FAM237A: variants seen among roughly 807,000 people sequenced by gnomAD.
The protein encoded by FAM237A is family with sequence similarity 237 member A.
A neutral mutation model predicts 12.5 loss-of-function variants in FAM237A; 14 were observed. The observed-to-expected ratio is 1.12, with a 90% confidence interval of 0.74 to 1.75. The LOEUF (loss-of-function observed/expected upper bound fraction) is 1.75, where lower values mean the gene tolerates loss of function less well. Among genes scored for constraint, FAM237A ranks in the 40% most tolerant of loss-of-function variants. The pLI, the probability that FAM237A is intolerant of heterozygous loss-of-function variation, is 0.00. For missense variants in FAM237A, 240 were observed against 211.7 expected (o/e 1.13, Z -0.83); for synonymous variants, 85 against 77.5 (o/e 1.10, Z -0.51).
At position 206,644,649 on chromosome 2, in the gene FAM237A, G is replaced by T. The variant is rs1485024939; in HGVS notation, c.412+1G>T. 6.4e-7 allele frequency: 1 copy of T among 1,557,264 alleles called. No homozygotes were observed. The highest frequency in any genetic ancestry group is 1.4e-5 in the African/African-American group (1 of 72,932). On this transcript the variant is annotated splice_donor_variant, in intron 2 of 2. Coordinates refer to ENST00000441223, the MANE Select transcript of FAM237A (RefSeq NM_001102659.3). LOFTEE classifies it high-confidence loss of function. ...CCACAGCACACAAGGAGTAAACAAG[G>T]TGGTCAACCCCAGCTCCCATGTCTT...
intron 2 of FAM237A, among the ~76,000 whole-genome samples, chr2:206,647,336 G>T (rs908989274): frequency 2.6e-5 from 4 of 152,286 alleles, no homozygotes; most frequent in African/African-American, 9.6e-5. Flanking sequence ...ACCTGGAAGA[G>T]CTTCACCCCA....
At chr2:206,643,287 G>A (rs1294922774) in intron 1 of FAM237A, 2 of 152,092 alleles carry the variant, frequency 1.3e-5, no homozygotes, top group African/African-American at 2.4e-5. Flanking sequence ...TTTTCTTTAT[G>A]TTAGAGCTGT....
chr2:206,645,276 TGC>T (rs1255215351), intron 2 of FAM237A, among the ~76,000 whole-genome samples: 1 of 152,206 alleles, frequency 6.6e-6, no homozygotes, highest in Non-Finnish European at 1.5e-5. Context: ...AGTTGGAACT[TGC>T]TACAAATTTA....
rs34076153 is a variant in FAM237A, at chr2:206,649,327, T to A, written c.*533T>A. Reference sequence around the variant, plus strand: ...CAAAAAACTGGCAAATAAAGCATTCTTCTAATGAAAACAAAATTAATAAAA... The same window carrying A: ...CAAAAAACTGGCAAATAAAGCATTCATCTAATGAAAACAAAATTAATAAAA... On this transcript the variant is annotated 3_prime_UTR_variant, in exon 3 of 3. Coordinates refer to ENST00000441223, the MANE Select transcript of FAM237A (RefSeq NM_001102659.3). Among the ~76,000 whole-genome samples the A allele has an allele frequency of 2.0e-5, 3 of 152,130 alleles. No individual in the cohort carries two copies. The highest frequency in any genetic ancestry group is 4.4e-5 in the Non-Finnish European group (3 of 68,000).
rs1699289072 is a variant in FAM237A, at chr2:206,644,302, T to C, written c.66T>C (p.Ile22=). 4 of 1,613,388 alleles carry C rather than the reference T, an allele frequency of 2.5e-6. No individual in the cohort carries two copies. Among genetic ancestry groups the C allele is most frequent in the Non-Finnish European group, 3.4e-6 (4 of 1,179,654 alleles). ...TGAGCTTCACCTGCTCCCTGCTCAT[T>C]GTGGGAATGTGCTGTGTATCTCCTT... The part of the protein sequence containing the change: ...RPLSFTCSLL[I]VGMCCVSPFF... The change falls in exon 2 of 3, where the codon ATT becomes ATC. Residue 22 remains isoleucine, a synonymous_variant. Coordinates refer to ENST00000441223, the MANE Select transcript of FAM237A (RefSeq NM_001102659.3).
intron 1 of FAM237A, among the ~76,000 whole-genome samples, chr2:206,643,126 C>G (rs184240036): frequency 6.6e-5 from 10 of 152,266 alleles, no homozygotes; most frequent in Non-Finnish European, 1.3e-4. Context: ...TCAGAAGAGA[C>G]AGATTATCCA....
intron 1 of FAM237A, among the ~76,000 whole-genome samples, chr2:206,643,033 C>T (rs1009912447): frequency 6.6e-6 from 1 of 152,190 alleles, no homozygotes; most frequent in African/African-American, 2.4e-5. Flanking sequence ...CTCTAACATG[C>T]TTCTTCAATA....
At chr2:206,643,075 A>T (rs1351587889) in intron 1 of FAM237A, among the ~76,000 whole-genome samples, 1 of 152,218 alleles carries the variant, frequency 6.6e-6, no homozygotes, top group Non-Finnish European at 1.5e-5. Flanking sequence ...ACACTTTCTG[A>T]AATATTTATT....
In FAM237A at chr2:206,644,523, A is replaced by G; in HGVS notation, c.287A>G (p.Gln96Arg). The G allele has an allele frequency of 6.2e-7, 1 of 1,614,006 alleles. No individual in the cohort carries two copies. Among genetic ancestry groups the G allele is most frequent in the South Asian group, 1.1e-5 (1 of 91,080 alleles). ...KHGALFWDLA[Q>R]LFWDIYVDCV... ...GGAGCACTGTTTTGGGATCTGGCCC[A>G]ACTCTTCTGGGACATCTATGTGGAC... The change falls in exon 2 of 3, where the codon CAA (glutamine) becomes CGA (arginine). Residue 96 changes from glutamine to arginine, a missense_variant. By Grantham distance (43) the Gln-to-Arg change is conservative. Coordinates refer to ENST00000441223, the MANE Select transcript of FAM237A (RefSeq NM_001102659.3).
chr2:206,644,347 A>G lies in FAM237A; in HGVS notation c.111A>G (p.Thr37=), dbSNP rs759149329. Residue 37 remains threonine (T), a synonymous_variant, in exon 2 of 3, where the codon ACA becomes ACG. Coordinates refer to ENST00000441223, the MANE Select transcript of FAM237A (RefSeq NM_001102659.3). ...CTCCTTTCTTCTGCCATAGCCAGAC[A>G]GACTTGCTGGCTCTTAGCCAAGCTG... ...CVSPFFCHSQ[T]DLLALSQADP... is the part of the protein sequence containing the mutation. The G allele has an allele frequency of 6.2e-7, 1 of 1,613,696 alleles. No homozygotes were observed. The highest frequency in any genetic ancestry group is 1.1e-5 in the South Asian group (1 of 90,978).
At chr2:206,647,350 A>C (rs1421746648) in intron 2 of FAM237A, among the ~76,000 whole-genome samples, 1 of 152,162 alleles carries the variant, frequency 6.6e-6, no homozygotes, top group Non-Finnish European at 1.5e-5. Context: ...CACCCCAAGG[A>C]CCGTTGACTG....
chr2:206,645,527 G>C (rs1030279291), intron 2 of FAM237A, among the ~76,000 whole-genome samples: 2 of 152,074 alleles, frequency 1.3e-5, no homozygotes, highest in African/African-American at 4.8e-5. Context: ...ATATACAACA[G>C]TAGAAAACAG....
At chr2:206,643,811 CTTAATTATATATA>C (rs1203125505) in intron 1 of FAM237A, among the ~76,000 whole-genome samples, 1 of 152,038 alleles carries the variant, frequency 6.6e-6, no homozygotes, top group Middle Eastern at 3.2e-3. Context: ...TATTTAAATT[CTTAATTATATATA>C]AGTCCTAGAT....
intron 2 of FAM237A, among the ~76,000 whole-genome samples, chr2:206,646,167 G>A (rs547737815): frequency 8.0e-4 from 122 of 152,182 alleles, no homozygotes; most frequent in African/African-American, 2.7e-3. Flanking sequence ...GCCGGATGTG[G>A]TGGCGGGCAC....
At chr2:206,644,697 A>C (rs2105881839) in intron 2 of FAM237A, 49 bp downstream of exon 2, 1 of 1,468,570 alleles carries the variant, frequency 6.8e-7, no homozygotes, top group Admixed American at 2.6e-5. Flanking sequence ...ATCAAGTATG[A>C]ATGTGCTGAA....
Position 206,642,805 on chromosome 2 carries a change from G to T in FAM237A, c.-11+223G>T, listed in dbSNP as rs1010378500. Among the ~76,000 whole-genome samples, 7 of 152,336 alleles carry T rather than the reference G, an allele frequency of 4.6e-5. No individual in the cohort carries two copies. The highest frequency in any genetic ancestry group is 2.1e-4 in the South Asian group (1 of 4,826). On this transcript the variant is annotated intron_variant, in intron 1 of 2. Coordinates refer to ENST00000441223, the MANE Select transcript of FAM237A (RefSeq NM_001102659.3). This position sits in a 1 kb window ranked among gnomAD's most constrained non-coding sequence, Gnocchi z 5.1. ...AAGGAGCCAATTTGAGCGCCGTGGCGCCAGCAGACAGGGAGTCCCGGATAA... is the reference window on the plus strand; with the variant it reads ...AAGGAGCCAATTTGAGCGCCGTGGCTCCAGCAGACAGGGAGTCCCGGATAA...
chr2:206,648,280 A>G lies in FAM237A; in HGVS notation c.413-381A>G, dbSNP rs1177986117. On this transcript the variant is annotated intron_variant, in intron 2 of 2. Coordinates refer to ENST00000441223, the MANE Select transcript of FAM237A (RefSeq NM_001102659.3). ...GTAGTGGTTAAATAAGTTATAGTAT[A>G]AAGTGTGCATACACAAAACTATGGT... is the stretch of plus-strand genomic sequence containing the variant. Among the ~76,000 whole-genome samples, 3 of 152,366 alleles carry G rather than the reference A, an allele frequency of 2.0e-5. No homozygotes were observed. In the East Asian group the frequency reaches 5.8e-4, roughly 29 times the overall value.
chr2:206,644,017 C>T (rs4673360), intron 1 of FAM237A, among the ~76,000 whole-genome samples: 65,969 of 151,924 alleles, frequency 0.43, 15,446 homozygotes, highest in Middle Eastern at 0.54. Flanking sequence ...TTGGCCTGAC[C>T]GTCTTGGATT....
At chr2:206,648,579 C>T (rs1699345983) in intron 2 of FAM237A, 82 bp from the exon 3 acceptor site, 2 of 1,377,198 alleles carry the variant, frequency 1.5e-6, no homozygotes, top group African/African-American at 3.0e-5. Flanking sequence ...ATCAAACCTG[C>T]CTTTTAAAGA....
Sources: gnomAD v4.1 joint callset for allele counts (sites outside exome capture counted in the v4.1 genomes callset) on GRCh38, gnomAD v4.1.1 for gene constraint, Gnocchi (gnomAD v3.1) non-coding constraint, MANE v1.5 for transcripts, NCBI Gene and HGNC (gene_info 2026-07-23, HGNC 2026-07-21) for gene names.